The following LRP1B variants were observed in gnomAD, a reference collection of about 807,000 sequenced individuals.
LRP1B encodes LDL receptor related protein 1B.
Under a neutral mutation model 556.6 loss-of-function variants are expected in LRP1B, and 217 were observed. The observed-to-expected ratio is 0.39, with a 90% confidence interval of 0.35 to 0.44. The LOEUF is 0.44. Among genes scored for constraint, LRP1B ranks in the 20% least tolerant of loss-of-function variants. The pLI, the probability that LRP1B is intolerant of heterozygous loss-of-function variation, is 1.00. For synonymous variants in LRP1B, 2,047 were observed against 1,865.8 expected, an observed-to-expected ratio of 1.10 and a Z score of -2.50; for missense variants, 5,053 against 5,620.8, an observed-to-expected ratio of 0.90 and a Z score of 3.23.
intron 49 of LRP1B, 92 bp from the exon 50 acceptor site, chr2:140,517,103 T>C: frequency 1.1e-6 from 1 of 881,090 alleles, no homozygotes; most frequent in Admixed American, 2.2e-5. Flanking sequence ...CTGAAAGAGA[T>C]AAATAACAAG....
intron 31 of LRP1B, among the ~76,000 whole-genome samples, chr2:140,828,357 C>A (rs1382365479): frequency 6.6e-6 from 1 of 151,692 alleles, no homozygotes; most frequent in Non-Finnish European, 1.5e-5. Flanking sequence ...CGCCTGTAAT[C>A]CCAGCACTTT....
At chr2:140,830,392 G>A (rs972331570) in intron 31 of LRP1B, among the ~76,000 whole-genome samples, 1 of 152,030 alleles carries the variant, frequency 6.6e-6, no homozygotes, top group African/African-American at 2.4e-5. Context: ...ATATTGAAAA[G>A]ATTATTCACC....
intron 6 of LRP1B, among the ~76,000 whole-genome samples, chr2:141,224,942 T>G (rs1683186418): frequency 6.6e-6 from 1 of 151,842 alleles, no homozygotes; most frequent in South Asian, 2.1e-4. Context: ...GTAACAAACC[T>G]GCACATCCTG....
chr2:141,017,593 C>A (rs886761055), intron 12 of LRP1B, among the ~76,000 whole-genome samples: 2 of 151,460 alleles, frequency 1.3e-5, no homozygotes, highest in African/African-American at 4.9e-5. Context: ...TTTATTTAAA[C>A]AAAATATAAG....
intron 2 of LRP1B, among the ~76,000 whole-genome samples, chr2:141,599,739 T>A (rs1687661740): frequency 6.6e-6 from 1 of 151,400 alleles, no homozygotes; most frequent in Admixed American, 6.6e-5. Context: ...AACACTCGAA[T>A]AGCAATTTAA....
intron 4 of LRP1B, among the ~76,000 whole-genome samples, chr2:141,247,842 C>A (rs1684123430): frequency 6.6e-6 from 1 of 152,086 alleles, no homozygotes; most frequent in Admixed American, 6.6e-5. Context: ...AAGATTTTGT[C>A]TTAAATAAAT....
intron 57 of LRP1B, among the ~76,000 whole-genome samples, chr2:140,491,421 T>C (rs1688695198): frequency 6.6e-6 from 1 of 152,102 alleles, no homozygotes; most frequent in South Asian, 2.1e-4. Context: ...AGGCATGTCC[T>C]TGTTCCAGAG....
At chr2:141,822,114 C>G (rs1258946954) in intron 1 of LRP1B, among the ~76,000 whole-genome samples, 21 of 111,584 alleles carry the variant, frequency 1.9e-4, no homozygotes, top group East Asian at 1.0e-3. Context: ...CACACACACA[C>G]ACACACACAC....
Position 140,500,586 on chromosome 2 carries a change from C to T in LRP1B, c.8850+1101G>A, listed in dbSNP as rs529421400. Among the ~76,000 whole-genome samples the T allele has an allele frequency of 5.9e-5, 9 of 152,054 alleles. No homozygotes were observed. In the South Asian group the frequency reaches 1.9e-3, roughly 31 times the overall value. On this transcript the variant is annotated intron_variant, in intron 55 of 90. Transcript: ENST00000389484. ...ACTTCTGCCTTGTATTGAACAGAAA[C>T]TGCTTTCCAACTCTTAATTCCGATC...
At chr2:140,240,590 G>A (rs188911842) in intron 87 of LRP1B, among the ~76,000 whole-genome samples, 3 of 150,894 alleles carry the variant, frequency 2.0e-5, no homozygotes, top group Admixed American at 6.6e-5. Context: ...GTATGACATA[G>A]CTAATATTAA....
At chr2:141,409,809 A>G (rs1241790286) in intron 3 of LRP1B, among the ~76,000 whole-genome samples, 1 of 152,130 alleles carries the variant, frequency 6.6e-6, no homozygotes, top group Non-Finnish European at 1.5e-5. Flanking sequence ...TTGGGTGGCC[A>G]AGGATAGTGT....
chr2:140,806,435 C>T (rs999853666), intron 32 of LRP1B, among the ~76,000 whole-genome samples: 116 of 151,890 alleles, frequency 7.6e-4, no homozygotes, highest in Non-Finnish European at 1.2e-4. Context: ...AAAGCATATA[C>T]GGAATGATAT....
At chr2:140,485,841 G>GCGCGCACACACA (rs1553473120) in intron 58 of LRP1B, among the ~76,000 whole-genome samples, 3 of 54,732 alleles carry the variant, frequency 5.5e-5, no homozygotes, top group African/African-American at 1.1e-4. Flanking sequence ...AAATTCTCAC[G>GCGCGCACACACA]CACATACACA....
intron 66 of LRP1B, among the ~76,000 whole-genome samples, chr2:140,396,859 T>C (rs1684278933): frequency 6.6e-6 from 1 of 152,190 alleles, no homozygotes; most frequent in South Asian, 2.1e-4. Context: ...TAGCGGTGAT[T>C]TCTGAGATTT....
At chr2:141,103,303 A>T (rs1056461599) in intron 7 of LRP1B, among the ~76,000 whole-genome samples, 4 of 152,120 alleles carry the variant, frequency 2.6e-5, no homozygotes, top group Non-Finnish European at 4.4e-5. Context: ...TTTCTTTACA[A>T]TAAAGGCAAT....
chr2:140,495,784 C>A (rs780743342), intron 55 of LRP1B, 36 bp from the exon 56 acceptor site: 9 of 1,531,864 alleles, frequency 5.9e-6, no homozygotes, highest in South Asian at 5.8e-5. Flanking sequence ...CAATTCATAT[C>A]ATTGTCACTG....
chr2:140,395,276 G>C (rs558292681), intron 66 of LRP1B, among the ~76,000 whole-genome samples: 2 of 152,242 alleles, frequency 1.3e-5, no homozygotes, highest in Admixed American at 1.3e-4. Context: ...TTTTAAAAAG[G>C]GATTCACAAA....
At chr2:140,579,015 A>G (rs10207279) in intron 43 of LRP1B, among the ~76,000 whole-genome samples, 54,870 of 151,788 alleles carry the variant, frequency 0.36, 9,957 homozygotes, top group South Asian at 0.38. Flanking sequence ...TCAGCAAGGG[A>G]GACAAGGGGA....
chr2:140,766,889 T>G (rs1317930097), intron 35 of LRP1B, among the ~76,000 whole-genome samples: 1 of 143,916 alleles, frequency 6.9e-6, no homozygotes, highest in African/African-American at 2.6e-5. Flanking sequence ...TATGATAATT[T>G]CTACAATATT....
Sources: allele counts gnomAD v4.1 joint callset (sites outside exome capture counted in the v4.1 genomes callset), GRCh38; gene constraint gnomAD v4.1.1; transcripts MANE v1.5; gene names NCBI Gene and HGNC (gene_info 2026-07-23, HGNC 2026-07-21).